Variants in ZFR2 observed in about 807,000 individuals in gnomAD.
The protein encoded by ZFR2 is zinc finger RNA-binding protein 2.
ZFR2 carries 104 observed loss-of-function variants against 105.7 expected under a neutral mutation model. The ratio of observed to expected loss-of-function variants is 0.98; its 90% CI spans 0.84 to 1.16. The LOEUF (loss-of-function observed/expected upper bound fraction) is 1.16. Ranked by LOEUF, ZFR2 falls within the 50% of genes most tolerant of loss-of-function variation. The probability of loss-of-function intolerance (pLI) is 0.00; values close to 1 mark genes in which losing one functional copy is unlikely to be tolerated. For synonymous variants in ZFR2, 634 were observed against 597.7 expected, an observed-to-expected ratio of 1.06 and a Z score of -0.89; for missense variants, 1,425 against 1,355.5, an observed-to-expected ratio of 1.05 and a Z score of -0.80.
At chr19:3,866,981 G>A (rs570459628) in intron 1 of ZFR2, among the ~76,000 whole-genome samples, 1 of 152,186 alleles carries the variant, frequency 6.6e-6, no homozygotes, top group Non-Finnish European at 1.5e-5. Flanking sequence ...CCACAGCCCT[G>A]GTTTCCAAGC....
At chr19:3,814,009 T>C (rs2037799893) in intron 13 of ZFR2, 51 bp from the exon 14 acceptor site, 3 of 1,606,316 alleles carry the variant, frequency 1.9e-6, no homozygotes, top group African/African-American at 2.7e-5. Flanking sequence ...CCCAGATTCA[T>C]GTGTAAATCA....
At chr19:3,812,277 A>G (rs1362845657) in intron 14 of ZFR2, among the ~76,000 whole-genome samples, 2 of 151,910 alleles carry the variant, frequency 1.3e-5, no homozygotes, top group African/African-American at 2.4e-5. Flanking sequence ...ATGGGGTCTC[A>G]CTACCTTGCC....
intron 16 of ZFR2, among the ~76,000 whole-genome samples, chr19:3,809,708 C>T (rs905329672): frequency 6.6e-6 from 1 of 152,172 alleles, no homozygotes; most frequent in Non-Finnish European, 1.5e-5. Context: ...CTTTGGGAGG[C>T]TGAGGCGGGC....
chr19:3,855,793 T>G (rs529584210), intron 1 of ZFR2, among the ~76,000 whole-genome samples: 19 of 151,978 alleles, frequency 1.3e-4, no homozygotes, highest in South Asian at 8.3e-4. Context: ...GAGGGTGAAG[T>G]GCCCGGAACC....
At position 3,833,760 on chromosome 19, in the gene ZFR2, G is replaced by C. The variant is rs1252785218; in HGVS notation, c.283C>G (p.Gln95Glu). 1 of 1,576,926 alleles carries C rather than the reference G, an allele frequency of 6.3e-7. No individual in the cohort carries two copies. The highest frequency in any genetic ancestry group is 1.3e-5 in the African/African-American group (1 of 74,142). The change falls in exon 3 of 19, where the codon CAG (glutamine) becomes GAG (glutamate). Residue 95 changes from glutamine (Q) to glutamate (E), a missense_variant. Transcript: ENST00000262961. ...ATYQDSYSYGQSAAARSYEDR... is the reference protein window; with the variant it reads ...ATYQDSYSYGESAAARSYEDR... ...TCATAGCTCCTGGCAGCTGCTGACT[G>C]TCCGTAGCTGTAACTGTCCTATGTG...
At chr19:3,815,136 C>A (rs1010434733) in intron 13 of ZFR2, among the ~76,000 whole-genome samples, 1 of 152,206 alleles carries the variant, frequency 6.6e-6, no homozygotes, top group Non-Finnish European at 1.5e-5. Flanking sequence ...GTGGCCCAGG[C>A]TAGAGTGCAG....
chr19:3,837,429 CACCATGACTGTGGAACTT>C (rs2038087550), intron 1 of ZFR2, among the ~76,000 whole-genome samples: 1 of 150,338 alleles, frequency 6.7e-6, no homozygotes, highest in Non-Finnish European at 1.5e-5. Flanking sequence ...ACTTGATGAA[CACCATGACTGTGGAACTT>C]GATGAACACC....
chr19:3,858,212 T>C lies in ZFR2; in HGVS notation c.53+10753A>G, dbSNP rs568884332. Among the ~76,000 whole-genome samples, 1 of 152,134 alleles carries C rather than the reference T, an allele frequency of 6.6e-6. No individual in the cohort carries two copies. The highest frequency in any genetic ancestry group is 1.9e-4 in the East Asian group (1 of 5,176). On this transcript the variant is annotated intron_variant, in intron 1 of 18. Transcript: ENST00000262961. The surrounding 1 kb of genome is among the most constrained non-coding windows in gnomAD (Gnocchi z 4.3). Reference sequence around the variant, plus strand: ...CTGCCCACGTCACCTGGCCCAGAGCTCTTTCTGTAGGGCCATGCTCTTGCT... The same window carrying C: ...CTGCCCACGTCACCTGGCCCAGAGCCCTTTCTGTAGGGCCATGCTCTTGCT...
intron 13 of ZFR2, 41 bp downstream of exon 13, chr19:3,816,633 C>T: frequency 6.4e-7 from 1 of 1,570,040 alleles, no homozygotes. Flanking sequence ...GGGCTGGCAG[C>T]CAGACGCCAG....
At chr19:3,845,050 C>T (rs1295920266) in intron 1 of ZFR2, among the ~76,000 whole-genome samples, 2 of 152,150 alleles carry the variant, frequency 1.3e-5, no homozygotes, top group Non-Finnish European at 2.9e-5. Flanking sequence ...TGTCCTAGAT[C>T]CAGGTGTCAG....
At chr19:3,820,735 T>C (rs893423974) in intron 10 of ZFR2, among the ~76,000 whole-genome samples, 1 of 118,228 alleles carries the variant, frequency 8.5e-6, no homozygotes, top group African/African-American at 3.3e-5. Context: ...CACAGGGTCA[T>C]CAGGGGTCAG....
In ZFR2 at chr19:3,838,244, G is replaced by A. The variant is rs2038099468; in HGVS notation, c.54-3261C>T. On this transcript the variant is annotated intron_variant, in intron 1 of 18. Transcript: ENST00000262961. This position sits in a 1 kb window ranked among gnomAD's most constrained non-coding sequence, Gnocchi z 4.9. ...AACACCGTGACTACTGACATTTGATGAACACTGTGACTATGGACACTGAAT... is the reference window on the plus strand; with the variant it reads ...AACACCGTGACTACTGACATTTGATAAACACTGTGACTATGGACACTGAAT... Among the ~76,000 whole-genome samples, 1 of 152,192 alleles carries A rather than the reference G, an allele frequency of 6.6e-6. No individual in the cohort carries two copies. The highest frequency in any genetic ancestry group is 2.4e-5 in the African/African-American group (1 of 41,450).
chr19:3,854,407 C>A (rs910179442), intron 1 of ZFR2, among the ~76,000 whole-genome samples: 5 of 151,880 alleles, frequency 3.3e-5, no homozygotes, highest in Admixed American at 3.3e-4. Context: ...AAGTCTTGTT[C>A]TTTCTAGGCT....
intron 1 of ZFR2, among the ~76,000 whole-genome samples, chr19:3,857,964 C>A (rs1182528095): frequency 6.6e-6 from 1 of 152,192 alleles, no homozygotes; most frequent in Non-Finnish European, 1.5e-5. Context: ...CACACGTCTA[C>A]AAGTCCTGCC....
At chr19:3,852,931 T>C (rs116839533) in intron 1 of ZFR2, among the ~76,000 whole-genome samples, 2 of 152,330 alleles carry the variant, frequency 1.3e-5, no homozygotes, top group African/African-American at 4.8e-5. Flanking sequence ...TTCAGCACCC[T>C]GCAGTGCCCA....
chr19:3,859,421 C>T (rs1047508261), intron 1 of ZFR2, among the ~76,000 whole-genome samples: 4 of 152,214 alleles, frequency 2.6e-5, no homozygotes, highest in African/African-American at 9.6e-5. Context: ...TGGGACTTTA[C>T]CTTGTGACCG....
At chr19:3,846,325 A>G (rs2038184434) in intron 1 of ZFR2, among the ~76,000 whole-genome samples, 1 of 152,250 alleles carries the variant, frequency 6.6e-6, no homozygotes, top group Non-Finnish European at 1.5e-5. Context: ...CCACAGAGGC[A>G]GAACCCATGG....
chr19:3,820,095 G>A, intron 11 of ZFR2, 87 bp downstream of exon 11: 7 of 1,332,252 alleles, frequency 5.3e-6, no homozygotes, highest in Non-Finnish European at 7.4e-6. Flanking sequence ...GGGAGTTGGG[G>A]GGAGGCCGGG....
chr19:3,831,303 C>G lies in ZFR2; in HGVS notation c.852G>C (p.Gln284His), dbSNP rs1196342579. The change falls in exon 5 of 19, where the codon CAG becomes CAC. Residue 284 changes from glutamine (Q) to histidine (H), a missense_variant and splice_region_variant. Coordinates refer to ENST00000262961, the MANE Select transcript of ZFR2 (RefSeq NM_015174.2). Reference sequence around the variant, plus strand: ...TGCCCATGGCAGGAGGGCGACTGACCTGGGGGCCAGCGCAGCTGATCTTGC... The same window carrying G: ...TGCCCATGGCAGGAGGGCGACTGACGTGGGGGCCAGCGCAGCTGATCTTGC... ...DICKISCAGP[Q>H]TYREHLGGQK... The G allele has an allele frequency of 1.1e-5, 17 of 1,529,454 alleles. No individual in the cohort carries two copies. The Admixed American group carries it at 3.2e-4, about 29-fold the overall frequency. 94.7% of individuals were successfully genotyped at this position (1,529,454 alleles called of 1,614,324 possible).
Sources: gnomAD v4.1 joint callset for allele counts (sites outside exome capture counted in the v4.1 genomes callset) on GRCh38, gnomAD v4.1.1 for gene constraint, Gnocchi (gnomAD v3.1) non-coding constraint, MANE v1.5 for transcripts, NCBI Gene and HGNC (gene_info 2026-07-23, HGNC 2026-07-21) for gene names.